ABCA12: variants seen among roughly 807,000 people sequenced by gnomAD.
ABCA12 encodes the protein glucosylceramide transporter ABCA12.
Under a neutral mutation model 293.5 loss-of-function variants are expected in ABCA12, and 156 were observed. The ratio of observed to expected loss-of-function variants is 0.53; its 90% confidence interval spans 0.47 to 0.61. The LOEUF (loss-of-function observed/expected upper bound fraction) is 0.61. ABCA12 is among the 20% of genes least tolerant of loss of function. The probability of loss-of-function intolerance (pLI) is 0.00; values close to 1 mark genes in which losing one functional copy is unlikely to be tolerated. For synonymous variants in ABCA12, 1,063 were observed against 1,108.0 expected (o/e 0.96, Z 0.81); for missense variants, 2,797 against 3,090.2 (o/e 0.91, Z 2.25).
At chr2:215,038,807 A>T (rs1469853910) in intron 7 of ABCA12, 3 of 152,222 alleles carry the variant, frequency 2.0e-5, no homozygotes, top group Non-Finnish European at 4.4e-5. Flanking sequence ...TATCATTAAC[A>T]TTATTAATTA....
intron 2 of ABCA12, among the ~76,000 whole-genome samples, chr2:215,096,664 A>G (rs1442200216): frequency 6.6e-6 from 1 of 152,122 alleles, no homozygotes; most frequent in Non-Finnish European, 1.5e-5. Context: ...CTCCAATTAC[A>G]TTAGAGTACC....
chr2:214,981,071 C>T (rs551096548), intron 30 of ABCA12, among the ~76,000 whole-genome samples: 4 of 135,058 alleles, frequency 3.0e-5, no homozygotes, highest in African/African-American at 8.4e-5. Context: ...GGGTGACAGA[C>T]GAGAGTCCAT....
At chr2:215,121,111 T>C (rs1702796315) in intron 1 of ABCA12, among the ~76,000 whole-genome samples, 1 of 152,214 alleles carries the variant, frequency 6.6e-6, no homozygotes. Context: ...TCCCTTCCTC[T>C]TGCAGATGGG....
chr2:215,134,024 C>T (rs1236652157), intron 1 of ABCA12, among the ~76,000 whole-genome samples: 1 of 151,624 alleles, frequency 6.6e-6, no homozygotes, highest in Non-Finnish European at 1.5e-5. Flanking sequence ...AGATATGTCC[C>T]AATATTCCAG....
rs774450846 is a variant in ABCA12 at position 215,138,135 on chromosome 2, C to T, written c.69+5G>A. ...CCCATACTCCCACACTTTTTTTTAA[C>T]TCACCGGCTGCCTTTTTACACCTAG... On this transcript the variant is annotated splice_donor_5th_base_variant and intron_variant, in intron 1 of 52. Transcript: ENST00000272895. 2 of 1,613,874 alleles carry T rather than the reference C, an allele frequency of 1.2e-6. No homozygotes were observed. Among genetic ancestry groups the T allele is most frequent in the Non-Finnish European group, 8.5e-7 (1 of 1,179,888 alleles).
intron 9 of ABCA12, among the ~76,000 whole-genome samples, chr2:215,029,588 A>G (rs1700828319): frequency 6.6e-6 from 1 of 152,186 alleles, no homozygotes. Context: ...AGCTTAAAAT[A>G]GAGGACAGTT....
intron 11 of ABCA12, among the ~76,000 whole-genome samples, chr2:215,021,322 C>G (rs1700627105): frequency 6.6e-6 from 1 of 152,174 alleles, no homozygotes; most frequent in Non-Finnish European, 1.5e-5. Context: ...TTACAGGATA[C>G]TCGGTGTTTT....
Position 214,953,890 on chromosome 2 carries a change from C to T in ABCA12, c.6611G>A (p.Arg2204Gln), listed in dbSNP as rs138995566. ...VSQGTMFFSL[R>Q]LLINESLIKK... Reference sequence around the variant, plus strand: ...TATCAGGGATTCGTTGATTAAGAGTCGCAAGGAAAAAAACATGGTGCCCTG... The same window carrying T: ...TATCAGGGATTCGTTGATTAAGAGTTGCAAGGAAAAAAACATGGTGCCCTG... The change falls in exon 44 of 53, where the codon CGA becomes CAA. Residue 2204 changes from arginine to glutamine, a missense_variant. Coordinates refer to ENST00000272895, the MANE Select transcript of ABCA12 (RefSeq NM_173076.3). 322 of 1,613,636 alleles carry T rather than the reference C, an allele frequency of 2.0e-4. No individual in the cohort carries two copies. Among genetic ancestry groups the T allele is most frequent in the Non-Finnish European group, 2.3e-4 (277 of 1,179,938 alleles).
chr2:215,031,676 G>C, intron 9 of ABCA12, 145 bp downstream of exon 9: 1 of 909,046 alleles, frequency 1.1e-6, no homozygotes, highest in Non-Finnish European at 1.8e-6. Context: ...ACTACACTTG[G>C]ACTATGCCCT....
intron 2 of ABCA12, among the ~76,000 whole-genome samples, chr2:215,068,686 G>A (rs536785281): frequency 6.0e-5 from 9 of 150,366 alleles, no homozygotes; most frequent in Admixed American, 1.3e-4. Context: ...TCCTCTTTTC[G>A]TTCAATTTCC....
intron 2 of ABCA12, among the ~76,000 whole-genome samples, chr2:215,071,196 C>CAAATAAAATAAAATAAAATAAAATA (rs149235929): frequency 8.3e-6 from 1 of 120,032 alleles, no homozygotes; most frequent in Admixed American, 8.7e-5. Flanking sequence ...GATCCTGTCT[C>CAAATAAAATAAAATAAAATAAAATA]AAATAAAATA....
intron 19 of ABCA12, 38 bp from the exon 20 acceptor site, chr2:215,004,337 A>C: frequency 6.7e-7 from 1 of 1,497,498 alleles, no homozygotes; most frequent in Non-Finnish European, 9.2e-7. Flanking sequence ...TCAATACAAG[A>C]AAAATCATGT....
chr2:215,092,864 C>T (rs886644697), intron 2 of ABCA12, among the ~76,000 whole-genome samples: 1 of 152,140 alleles, frequency 6.6e-6, no homozygotes, highest in African/African-American at 2.4e-5. Context: ...TCCTTTGCAC[C>T]CTTCATCCCA....
At position 214,934,231 on chromosome 2, in the gene ABCA12, G is replaced by T; in HGVS notation, c.7543-16C>A. The T allele has an allele frequency of 6.2e-7, 1 of 1,613,424 alleles. No individual in the cohort carries two copies. ...GGTGCTGATCCTGTGGGAACCAAAG[G>T]AAAAAAGTTTATTTTGCAATGTCTG... On this transcript the variant is annotated splice_polypyrimidine_tract_variant and intron_variant, in intron 51 of 52. Transcript: ENST00000272895.
intron 2 of ABCA12, among the ~76,000 whole-genome samples, chr2:215,087,237 C>T (rs13405858): frequency 0.049 from 7,485 of 152,144 alleles, 429 homozygotes; most frequent in African/African-American, 0.13. Flanking sequence ...CCACCATGCC[C>T]GGCCCAGTTA....
At chr2:215,025,822 G>A (rs1258634131) in intron 10 of ABCA12, 43 bp from the exon 11 acceptor site, 1 of 1,424,744 alleles carries the variant, frequency 7.0e-7, no homozygotes, top group Middle Eastern at 1.8e-4. Flanking sequence ...GAATTGCAAG[G>A]TCATTTAGGA....
At chr2:214,983,566 C>A in intron 29 of ABCA12, 81 bp downstream of exon 29, 7 of 1,173,234 alleles carry the variant, frequency 6.0e-6, no homozygotes, top group Non-Finnish European at 9.0e-6. Flanking sequence ...CTATTGGTAT[C>A]ATTACCAGAA....
chr2:215,051,972 A>T (rs376828299), intron 5 of ABCA12, among the ~76,000 whole-genome samples: 2 of 152,200 alleles, frequency 1.3e-5, no homozygotes, highest in African/African-American at 4.8e-5. Flanking sequence ...GATAGAAATT[A>T]TGTTCATTAT....
chr2:214,939,083 G>GT (rs2105913024), intron 50 of ABCA12, among the ~76,000 whole-genome samples: 1 of 151,902 alleles, frequency 6.6e-6, no homozygotes, highest in Admixed American at 6.6e-5. Context: ...GGGTTTTTAT[G>GT]TTTAAGTGTT....
Sources: gnomAD v4.1 joint callset for allele counts (sites outside exome capture counted in the v4.1 genomes callset) on GRCh38, gnomAD v4.1.1 for gene constraint, MANE v1.5 for transcripts, NCBI Gene and HGNC (gene_info 2026-07-23, HGNC 2026-07-21) for gene names.